Variants in OLFM2 observed in about 807,000 individuals in gnomAD.
The protein encoded by OLFM2 is noelin-2.
A neutral mutation model predicts 43.9 loss-of-function variants in OLFM2; 20 were observed. That is an observed-to-expected ratio of 0.46 (90% CI 0.32 to 0.66). The LOEUF (loss-of-function observed/expected upper bound fraction) is 0.66, where lower values mean the gene tolerates loss of function less well. Among genes scored for constraint, OLFM2 ranks in the 30% least tolerant of loss-of-function variants. OLFM2 has a pLI of 0.04. For synonymous variants in OLFM2, 268 were observed against 278.6 expected (o/e 0.96, Z 0.38); for missense variants, 416 against 643.6 (o/e 0.65, Z 3.83).
chr19:9,897,844 G>A (rs1016600830), intron 1 of OLFM2, among the ~76,000 whole-genome samples: 3 of 152,008 alleles, frequency 2.0e-5, no homozygotes, highest in Non-Finnish European at 4.4e-5. Context: ...TTACTTCCTG[G>A]CTATTAACAT....
At chr19:9,855,995 T>C (rs1289678894) in intron 5 of OLFM2, among the ~76,000 whole-genome samples, 2 of 152,196 alleles carry the variant, frequency 1.3e-5, no homozygotes, top group African/African-American at 4.8e-5. Context: ...AAGACATCAC[T>C]TGAATTCACT....
chr19:9,870,757 G>A (rs1360925183), intron 1 of OLFM2, among the ~76,000 whole-genome samples: 1 of 152,090 alleles, frequency 6.6e-6, no homozygotes, highest in Non-Finnish European at 1.5e-5. Context: ...TCCCTGCCAC[G>A]CGTTACCCTC....
intron 1 of OLFM2, among the ~76,000 whole-genome samples, chr19:9,875,286 T>C (rs2046475985): frequency 6.6e-6 from 1 of 152,214 alleles, no homozygotes; most frequent in Non-Finnish European, 1.5e-5. Flanking sequence ...AGATGGGGTT[T>C]CTTCCTTCAC....
chr19:9,898,533 AT>A (rs201321889), intron 1 of OLFM2, among the ~76,000 whole-genome samples: 21 of 150,822 alleles, frequency 1.4e-4, no homozygotes, highest in African/African-American at 3.2e-4. Flanking sequence ...AAAAAAAAAA[AT>A]TTTTTTGTGT....
chr19:9,879,228 G>T (rs2046518166), intron 1 of OLFM2, among the ~76,000 whole-genome samples: 1 of 152,190 alleles, frequency 6.6e-6, no homozygotes, highest in African/African-American at 2.4e-5. Flanking sequence ...CGCCTCCCGG[G>T]TTCAAGCGAT....
Position 9,936,340 on chromosome 19 carries a change from C to A in OLFM2, c.27G>T (p.Pro9=). 6.6e-7 allele frequency: 1 copy of A among 1,506,682 alleles called. No individual in the cohort carries two copies. Among genetic ancestry groups the A allele is most frequent in the South Asian group, 1.2e-5 (1 of 81,266 alleles). 93.3% of individuals were successfully genotyped at this position (1,506,682 alleles called of 1,614,324 possible). A position where few individuals can be genotyped will look rare whatever the true frequency, so the allele number is the denominator to read the frequency against. MWPLTVPP[P]LLLLLCSGLA... is the part of the protein sequence containing the mutation. ...GGCCTGAGCACAGCAGCAGCAGCAG[C>A]GGCGGCGGGACCGTGAGCGGCCACA... Residue 9 remains proline, a synonymous_variant, in exon 1 of 6, where the codon CCG becomes CCT. Transcript: ENST00000264833.
chr19:9,936,194 G>A (rs2086513696), intron 1 of OLFM2, 110 bp downstream of exon 1: 3 of 1,229,902 alleles, frequency 2.4e-6, no homozygotes, highest in African/African-American at 1.6e-5. Context: ...TCGCCGCCCT[G>A]CAGCTGGGGG....
intron 1 of OLFM2, among the ~76,000 whole-genome samples, chr19:9,902,029 T>C (rs758324259): frequency 6.6e-5 from 10 of 150,582 alleles, no homozygotes; most frequent in South Asian, 2.1e-4. Context: ...ATACTGACTA[T>C]ATATATATAT....
At chr19:9,873,843 A>C (rs750817472) in intron 1 of OLFM2, among the ~76,000 whole-genome samples, 4 of 108,294 alleles carry the variant, frequency 3.7e-5, no homozygotes, top group East Asian at 2.7e-4. Context: ...TAGAGACAGG[A>C]TCTCACTATG....
Position 9,856,695 on chromosome 19 carries a change from G to A in OLFM2, c.687+112C>T, listed in dbSNP as rs1363010532. 2.4e-6 allele frequency: 2 copies of A among 842,770 alleles called. No individual in the cohort carries two copies. Among genetic ancestry groups the A allele is most frequent in the Non-Finnish European group, 1.9e-6 (1 of 522,806 alleles). 52.2% of individuals were successfully genotyped at this position (842,770 alleles called of 1,614,324 possible). A position where few individuals can be genotyped will look rare whatever the true frequency, so the allele number is the denominator to read the frequency against. On this transcript the variant is annotated intron_variant, in intron 5 of 5. Coordinates refer to ENST00000264833, the MANE Select transcript of OLFM2 (RefSeq NM_058164.4). The surrounding 1 kb of genome is among the most constrained non-coding windows in gnomAD (Gnocchi z 4.0). ...GGTCCAATGGCCCTGGGGGATCCAG[G>A]ACACTTTGGGCTACAAGACAGTCAC...
intron 1 of OLFM2, among the ~76,000 whole-genome samples, chr19:9,906,855 C>A (rs2046789559): frequency 6.6e-6 from 1 of 152,132 alleles, no homozygotes; most frequent in South Asian, 2.1e-4. Context: ...CCCTAGCTAC[C>A]CTCCCCTTCC....
At chr19:9,901,045 G>A (rs2046732728) in intron 1 of OLFM2, among the ~76,000 whole-genome samples, 1 of 62,514 alleles carries the variant, frequency 1.6e-5, no homozygotes, top group Admixed American at 1.5e-4. Flanking sequence ...CGGGGAGGGA[G>A]GGAAGGGAGG....
chr19:9,904,009 G>A (rs1649100424), intron 1 of OLFM2, among the ~76,000 whole-genome samples: 1 of 152,078 alleles, frequency 6.6e-6, no homozygotes, highest in Admixed American at 6.6e-5. Flanking sequence ...GCACTACACT[G>A]AGGGCTGCAT....
At position 9,854,170 on chromosome 19, in the gene OLFM2, G is replaced by A. The variant is rs370178640; in HGVS notation, c.*16C>T. 1.4e-5 allele frequency: 22 copies of A among 1,613,506 alleles called. No individual in the cohort carries two copies. Among genetic ancestry groups the A allele is most frequent in the Middle Eastern group, 1.6e-4 (1 of 6,084 alleles). ...CCAGAGGCCCCCCAGGCAGCAGCCCGAGCCACAGCATTGGCTCAGGGGTCC... is the reference window on the plus strand; with the variant it reads ...CCAGAGGCCCCCCAGGCAGCAGCCCAAGCCACAGCATTGGCTCAGGGGTCC... On this transcript the variant is annotated 3_prime_UTR_variant, in exon 6 of 6. Coordinates refer to ENST00000264833, the MANE Select transcript of OLFM2 (RefSeq NM_058164.4). This position sits in a 1 kb window ranked among gnomAD's most constrained non-coding sequence, Gnocchi z 9.5.
chr19:9,908,754 G>A (rs976345792), intron 1 of OLFM2, among the ~76,000 whole-genome samples: 4 of 151,988 alleles, frequency 2.6e-5, no homozygotes, highest in Non-Finnish European at 4.4e-5. Context: ...TGGGATTACA[G>A]GTGTGAGCCA....
chr19:9,891,595 C>T (rs2046640840), intron 1 of OLFM2, among the ~76,000 whole-genome samples: 2 of 146,552 alleles, frequency 1.4e-5, no homozygotes, highest in African/African-American at 5.1e-5. Flanking sequence ...TCCAGCCTGG[C>T]AACAGAGCAA....
At chr19:9,907,144 T>A (rs1304406496) in intron 1 of OLFM2, among the ~76,000 whole-genome samples, 1 of 152,118 alleles carries the variant, frequency 6.6e-6, no homozygotes, top group Non-Finnish European at 1.5e-5. Flanking sequence ...CCAATGCCTC[T>A]CTTTGGGGCC....
intron 1 of OLFM2, among the ~76,000 whole-genome samples, chr19:9,894,313 C>G (rs927032821): frequency 6.6e-6 from 1 of 150,944 alleles, no homozygotes; most frequent in African/African-American, 2.4e-5. Flanking sequence ...TAAGTCACGG[C>G]TGCAGTGAAA....
intron 1 of OLFM2, among the ~76,000 whole-genome samples, chr19:9,903,133 A>T (rs901474923): frequency 6.6e-6 from 1 of 152,176 alleles, no homozygotes; most frequent in African/African-American, 2.4e-5. Flanking sequence ...GGTTCAAGTG[A>T]TCCTCCCACT....
Sources: gnomAD v4.1 joint callset for allele counts (sites outside exome capture counted in the v4.1 genomes callset) on GRCh38, gnomAD v4.1.1 for gene constraint, Gnocchi (gnomAD v3.1) non-coding constraint, MANE v1.5 for transcripts, NCBI Gene and HGNC (gene_info 2026-07-23, HGNC 2026-07-21) for gene names.